CAPN15: variants seen among roughly 807,000 people sequenced by gnomAD.
CAPN15 encodes the protein calpain 15.
Under a neutral mutation model 97.9 loss-of-function variants are expected in CAPN15, and 53 were observed. That is an observed-to-expected ratio of 0.54 (90% CI 0.43 to 0.68). The LOEUF is 0.68. Ranked by LOEUF, CAPN15 falls within the 30% of genes least tolerant of loss-of-function variation. CAPN15 has a pLI of 0.00. For missense variants in CAPN15, 1,592 were observed against 1,589.8 expected (o/e 1.00, Z -0.02); for synonymous variants, 922 against 722.5 (o/e 1.28, Z -4.43).
At position 531,174 on chromosome 16, in the gene CAPN15, A is replaced by G. The variant is rs140188445; in HGVS notation, c.-189-2772A>G. Among the ~76,000 whole-genome samples, 982 of 152,348 alleles carry G rather than the reference A, an allele frequency of 6.4e-3. 4 individuals are homozygous for G. The highest frequency in any genetic ancestry group is 9.8e-3 in the Non-Finnish European group (668 of 68,030). On this transcript the variant is annotated intron_variant, in intron 1 of 13. Transcript: ENST00000219611. ...CATGGCCTTCCCCTCACTTCTCTTCAAAAAGTTGCCCTTTATTTTAACATT... is the reference window on the plus strand; with the variant it reads ...CATGGCCTTCCCCTCACTTCTCTTCGAAAAGTTGCCCTTTATTTTAACATT...
At position 552,810 on chromosome 16, in the gene CAPN15, G is replaced by C. The variant is rs1422429263; in HGVS notation, c.2904+39G>C. 6.5e-7 allele frequency: 1 copy of C among 1,543,142 alleles called. No individual in the cohort carries two copies. The highest frequency in any genetic ancestry group is 8.7e-7 in the Non-Finnish European group (1 of 1,143,358). On this transcript the variant is annotated intron_variant, in intron 12 of 13. Coordinates refer to ENST00000219611, the MANE Select transcript of CAPN15 (RefSeq NM_005632.3). This position sits in a 1 kb window ranked among gnomAD's most constrained non-coding sequence, Gnocchi z 6.4. ...CCGGGGGAGGGTGGCGTGGGGCAGG[G>C]GGAGTATGCCCCAGCACCTCCCCTG...
At chr16:540,183 G>C in intron 3 of CAPN15, 1 of 985,466 alleles carries the variant, frequency 1.0e-6, no homozygotes, top group Non-Finnish European at 1.2e-6. Flanking sequence ...CCGCCGGCCG[G>C]GGGGCCATGG....
rs1233147978 is a variant in CAPN15 at position 547,192 on chromosome 16, C to T, written c.354C>T (p.Pro118=). Residue 118 remains proline, a synonymous_variant, in exon 4 of 14, where the codon CCC becomes CCT. Transcript: ENST00000219611. ...CTGCGGGGCTGGTGGCCACGGAGCC[C>T]GCCAGGGGGCAGTGCGAGGACAAGG... ...VRTAGLVATE[P]ARGQCEDKDE... The T allele has an allele frequency of 2.2e-5, 33 of 1,532,514 alleles. No homozygotes were observed. Among genetic ancestry groups the T allele is most frequent in the Admixed American group, 4.0e-5 (2 of 50,296 alleles). 94.9% of individuals were successfully genotyped at this position (1,532,514 alleles called of 1,614,324 possible). A position where few individuals can be genotyped will look rare whatever the true frequency, so the allele number is the denominator to read the frequency against.
At chr16:533,445 C>T (rs996777612) in intron 1 of CAPN15, among the ~76,000 whole-genome samples, 23 of 152,258 alleles carry the variant, frequency 1.5e-4, no homozygotes, top group Admixed American at 9.8e-4. Context: ...GGGTGGCACT[C>T]GGGCTGGGGT....
rs538872095 is a variant in CAPN15 at position 553,590 on chromosome 16, G to A, written c.*74G>A. ...ACACGCACTTTATGAGGGAGACCCCGACAGAGGACGCTTGAGCCAGAATCT... is the reference window on the plus strand; with the variant it reads ...ACACGCACTTTATGAGGGAGACCCCAACAGAGGACGCTTGAGCCAGAATCT... On this transcript the variant is annotated 3_prime_UTR_variant, in exon 14 of 14. Transcript: ENST00000219611. The A allele has an allele frequency of 1.7e-3, 1,547 of 929,540 alleles. 5 individuals are homozygous for A. Among genetic ancestry groups the A allele is most frequent in the Non-Finnish European group, 2.1e-3 (1,334 of 638,136 alleles). 57.6% of individuals were successfully genotyped at this position (929,540 alleles called of 1,614,324 possible). A position where few individuals can be genotyped will look rare whatever the true frequency, so the allele number is the denominator to read the frequency against.
intron 13 of CAPN15, 45 bp from the exon 14 acceptor site, chr16:553,294 T>G: frequency 4.8e-6 from 5 of 1,043,488 alleles, no homozygotes; most frequent in Non-Finnish European, 1.3e-6. Flanking sequence ...CCTGCCCCCA[T>G]CCCCACCCTG....
chr16:548,385 C>T, intron 4 of CAPN15, 98 bp downstream of exon 4: 4 of 1,237,364 alleles, frequency 3.2e-6, no homozygotes, highest in Non-Finnish European at 3.2e-6. Context: ...GGGAGGAGCC[C>T]ACAAGGCCTA....
In CAPN15 at chr16:552,361, G is replaced by C; in HGVS notation, c.2568G>C (p.Thr856=). The change falls in exon 11 of 14, where the codon ACG becomes ACC. Residue 856 remains threonine (T), a synonymous_variant. Coordinates refer to ENST00000219611, the MANE Select transcript of CAPN15 (RefSeq NM_005632.3). The surrounding 1 kb of genome is among the most constrained non-coding windows in gnomAD (Gnocchi z 6.4). ...TGTGCATCCTGGTGTTCCGGGCCAC[G>C]TTCGGCAGCGGCGGCCACCTCAGCC... The part of the protein sequence containing the change: ...LDLCILVFRA[T]FGSGGHLSLG... The C allele has an allele frequency of 6.3e-7, 1 of 1,599,702 alleles. No individual in the cohort carries two copies. Among genetic ancestry groups the C allele is most frequent in the South Asian group, 1.1e-5 (1 of 89,952 alleles).
intron 3 of CAPN15, chr16:540,231 G>A (rs985404740): frequency 1.0e-4 from 103 of 985,496 alleles, no homozygotes; most frequent in African/African-American, 1.7e-4. Flanking sequence ...AGACCGAGTC[G>A]GACCACAGCT....
At chr16:530,203 A>G (rs552220579) in intron 1 of CAPN15, among the ~76,000 whole-genome samples, 2 of 152,284 alleles carry the variant, frequency 1.3e-5, no homozygotes, top group African/African-American at 4.8e-5. Flanking sequence ...CTGGCTCCCC[A>G]CTGTGGGATC....
At chr16:534,741 G>A (rs1456473906) in intron 2 of CAPN15, among the ~76,000 whole-genome samples, 1 of 152,198 alleles carries the variant, frequency 6.6e-6, no homozygotes, top group Non-Finnish European at 1.5e-5. Flanking sequence ...GGTTGCCGTG[G>A]GGCAAGGCCA....
chr16:551,036 A>C (rs1259663392), intron 7 of CAPN15, among the ~76,000 whole-genome samples: 4 of 110,618 alleles, frequency 3.6e-5, no homozygotes, highest in Non-Finnish European at 7.1e-5. Flanking sequence ...CCGGTCGGTG[A>C]GGGCCCCGGT....
intron 3 of CAPN15, among the ~76,000 whole-genome samples, chr16:545,175 C>T (rs1046349384): frequency 1.3e-5 from 2 of 152,078 alleles, no homozygotes; most frequent in African/African-American, 4.8e-5. Context: ...GACCCCATCT[C>T]TAAAGTTCAA....
In CAPN15 at chr16:547,548, C is replaced by T. The variant is rs1409319312; in HGVS notation, c.710C>T (p.Ser237Phe). ...PRVPPFSPFS[S>F]TLQNNPVPRS... The stretch of plus-strand genomic sequence containing the variant: ...GTCCCGCCCTTCAGCCCCTTCTCGT[C>T]CACCCTGCAGAACAACCCCGTGCCG... The change falls in exon 4 of 14, where the codon TCC becomes TTC. Residue 237 changes from serine (S) to phenylalanine (F), a missense_variant. By Grantham distance (155) the Ser-to-Phe change is radical. This residue lies in a region of CAPN15 where 883 missense variants were observed against 776.6 expected (regional missense o/e 1.14). Transcript: ENST00000219611. 7 of 1,597,286 alleles carry T rather than the reference C, an allele frequency of 4.4e-6. No individual in the cohort carries two copies. The Admixed American group carries it at 1.0e-4, about 23-fold the overall frequency.
At chr16:550,209 G>T (rs1199480268) in intron 7 of CAPN15, among the ~76,000 whole-genome samples, 2 of 152,232 alleles carry the variant, frequency 1.3e-5, no homozygotes, top group African/African-American at 2.4e-5. Flanking sequence ...TGGTCAGCGG[G>T]TCTGTGCCTC....
At chr16:548,420 C>T in intron 4 of CAPN15, 133 bp downstream of exon 4, 1 of 926,880 alleles carries the variant, frequency 1.1e-6, no homozygotes, top group South Asian at 1.9e-5. Context: ...GGGCAGCACC[C>T]TCCGCCCCGA....
At position 553,442 on chromosome 16, in the gene CAPN15, A is replaced by G; in HGVS notation, c.3187A>G (p.Thr1063Ala). Reference protein sequence around the residue: ...KAAQAFLSDWTASKGTHSPPL... With the variant: ...KAAQAFLSDWAASKGTHSPPL... Reference sequence around the variant, plus strand: ...AGCCCAGGCCTTCCTCAGTGACTGGACAGCCTCCAAGGGGACCCACAGCCC... The same window carrying G: ...AGCCCAGGCCTTCCTCAGTGACTGGGCAGCCTCCAAGGGGACCCACAGCCC... Residue 1063 changes from threonine to alanine, a missense_variant, in exon 14 of 14, where the codon ACA becomes GCA. Transcript: ENST00000219611. The G allele has an allele frequency of 6.2e-7, 1 of 1,611,144 alleles. No homozygotes were observed. The highest frequency in any genetic ancestry group is 8.5e-7 in the Non-Finnish European group (1 of 1,179,252).
rs1263445248 is a variant in CAPN15 at position 548,220 on chromosome 16, A to T, written c.1382A>T (p.Gln461Leu). 1.3e-6 allele frequency: 2 copies of T among 1,549,946 alleles called. No homozygotes were observed. ...CGCAGGGAGAGCATGCACGTGGAGC[A>T]GCGGCGGCAGACAGACGAGGGCGAG... is the stretch of plus-strand genomic sequence containing the variant. The part of the protein sequence containing the change: ...LRRRESMHVE[Q>L]RRQTDEGEAK... The change falls in exon 4 of 14, where the codon CAG becomes CTG. Residue 461 changes from glutamine to leucine, a missense_variant. Physicochemically the swap from Gln to Leu is moderately radical, Grantham distance 113 (BLOSUM62 -2). This residue lies in a region of CAPN15 where 883 missense variants were observed against 776.6 expected (regional missense o/e 1.14). Transcript: ENST00000219611.
rs372454094 is a variant in CAPN15, at chr16:543,011, A to G, written c.-22-3806A>G. 5.2e-4 allele frequency among the ~76,000 whole-genome samples: 79 copies of G among 152,204 alleles called. 2 individuals are homozygous for G. The South Asian group carries it at 0.015, about 28-fold the overall frequency. On this transcript the variant is annotated intron_variant, in intron 3 of 13. Coordinates refer to ENST00000219611, the MANE Select transcript of CAPN15 (RefSeq NM_005632.3). ...GGTTGCAGTGAGCCAAGATTGCACC[A>G]CTGCACTCCAGTGTGGGCGACAGAG... is the stretch of plus-strand genomic sequence containing the variant.
Sources: gnomAD v4.1 joint callset for allele counts (sites outside exome capture counted in the v4.1 genomes callset) on GRCh38, gnomAD v4.1.1 for gene constraint, gnomAD v4.1.1 regional missense constraint, Gnocchi (gnomAD v3.1) non-coding constraint, MANE v1.5 for transcripts, NCBI Gene and HGNC (gene_info 2026-07-23, HGNC 2026-07-21) for gene names.